Variants in RFTN1 observed in about 807,000 individuals in gnomAD.
RFTN1 encodes the protein raftlin, lipid raft linker 1.
RFTN1 carries 26 observed loss-of-function variants against 46.5 expected under a neutral mutation model. The observed-to-expected ratio is 0.56, with a 90% CI of 0.41 to 0.78. RFTN1 has a LOEUF of 0.78. Among genes scored for constraint, RFTN1 ranks in the 30% least tolerant of loss-of-function variants. RFTN1 has a pLI of 0.00. For missense variants in RFTN1, 693 were observed against 718.7 expected (o/e 0.96, Z 0.41); for synonymous variants, 261 against 284.2 (o/e 0.92, Z 0.82).
At chr3:16,359,032 C>CAAAA (rs771185605) in intron 6 of RFTN1, among the ~76,000 whole-genome samples, 2,444 of 88,258 alleles carry the variant, frequency 0.028, 37 homozygotes, top group African/African-American at 0.048. Context: ...ATTCTGTCTC[C>CAAAA]AAAAAAAAAA....
chr3:16,372,555 C>G (rs1012779651), intron 5 of RFTN1, among the ~76,000 whole-genome samples: 2 of 152,200 alleles, frequency 1.3e-5, no homozygotes, highest in African/African-American at 4.8e-5. Flanking sequence ...ATCACAGCCT[C>G]TGTGTGGGAG....
At chr3:16,490,262 C>T (rs1045330985) in intron 2 of RFTN1, among the ~76,000 whole-genome samples, 2 of 152,122 alleles carry the variant, frequency 1.3e-5, no homozygotes, top group Admixed American at 6.5e-5. Flanking sequence ...AAACTACAGG[C>T]GTGCACAAGA....
chr3:16,415,430 T>TATATATATATATATATACACACACAC, intron 3 of RFTN1, among the ~76,000 whole-genome samples: 1 of 114,348 alleles, frequency 8.7e-6, no homozygotes, highest in Non-Finnish European at 2.0e-5. Flanking sequence ...TATATATATA[T>TATATATATATATATATACACACACAC]ACACACACAC....
intron 7 of RFTN1, among the ~76,000 whole-genome samples, chr3:16,333,553 T>G (rs1430188687): frequency 6.6e-6 from 1 of 152,206 alleles, no homozygotes; most frequent in Non-Finnish European, 1.5e-5. Context: ...CCAATCCCCC[T>G]CATTTAATAA....
rs752111786 is a variant in RFTN1, at chr3:16,383,766, T to C, written c.442-5664A>G. Among the ~76,000 whole-genome samples, 9 of 151,994 alleles carry C rather than the reference T, an allele frequency of 5.9e-5. No individual in the cohort carries two copies. The highest frequency in any genetic ancestry group is 1.2e-4 in the Non-Finnish European group (8 of 68,000). On this transcript the variant is annotated intron_variant, in intron 4 of 9. Coordinates refer to ENST00000334133, the MANE Select transcript of RFTN1 (RefSeq NM_015150.2). This position sits in a 1 kb window ranked among gnomAD's most constrained non-coding sequence, Gnocchi z 4.0. ...ATAAAAATGAAGGCTATATGGAACATAGGAAAAGGAAGAGAAAAGCCTCCT... is the reference window on the plus strand; with the variant it reads ...ATAAAAATGAAGGCTATATGGAACACAGGAAAAGGAAGAGAAAAGCCTCCT...
At chr3:16,437,106 T>C (rs2075531104) in intron 2 of RFTN1, among the ~76,000 whole-genome samples, 1 of 152,214 alleles carries the variant, frequency 6.6e-6, no homozygotes, top group African/African-American at 2.4e-5. Flanking sequence ...CATGCTAAAG[T>C]TTTCTTCACA....
intron 3 of RFTN1, among the ~76,000 whole-genome samples, chr3:16,415,408 A>G (rs1319613343): frequency 1.2e-5 from 1 of 82,854 alleles, no homozygotes; most frequent in African/African-American, 4.1e-5. Flanking sequence ...TAGACAGTTG[A>G]GTATATATAT....
intron 7 of RFTN1, chr3:16,339,732 G>A (rs996047627): frequency 2.6e-5 from 4 of 152,170 alleles, no homozygotes; most frequent in Admixed American, 2.0e-4. Context: ...TTGGTGCTTC[G>A]TTTTTCTGCC....
intron 4 of RFTN1, among the ~76,000 whole-genome samples, chr3:16,388,527 T>C (rs1481652966): frequency 3.3e-5 from 5 of 152,184 alleles, no homozygotes; most frequent in Non-Finnish European, 5.9e-5. Context: ...GCTACTCCTA[T>C]CATCTTAACA....
intron 8 of RFTN1, 73 bp from the exon 9 acceptor site, chr3:16,323,530 A>C: frequency 9.2e-7 from 1 of 1,083,624 alleles, no homozygotes; most frequent in Non-Finnish European, 1.4e-6. Flanking sequence ...AGATGTTGCC[A>C]TCCCTAATTT....
chr3:16,471,445 C>T (rs2076193910), intron 2 of RFTN1, among the ~76,000 whole-genome samples: 2 of 152,128 alleles, frequency 1.3e-5, no homozygotes, highest in South Asian at 4.1e-4. Context: ...TATTAATGGT[C>T]CCTGCCTCTC....
chr3:16,353,049 AAG>A lies in RFTN1; in HGVS notation c.1146+4881_1146+4882del, dbSNP rs2072203847. ...CTGAGGGATCAGCACAGGAGGAGGAAAGAGGCAGGAAAGGGACAGACCAGTCC... is the reference window on the plus strand; with the variant it reads ...CTGAGGGATCAGCACAGGAGGAGGAAAGGCAGGAAAGGGACAGACCAGTCC... On this transcript the variant is annotated intron_variant, in intron 7 of 9. Coordinates refer to ENST00000334133, the MANE Select transcript of RFTN1 (RefSeq NM_015150.2). The surrounding 1 kb of genome is among the most constrained non-coding windows in gnomAD (Gnocchi z 5.4). Among the ~76,000 whole-genome samples, 1 of 152,176 alleles carries A rather than the reference AAG, an allele frequency of 6.6e-6. No individual in the cohort carries two copies. Among genetic ancestry groups the A allele is most frequent in the African/African-American group, 2.4e-5 (1 of 41,448 alleles).
chr3:16,459,265 AG>A lies in RFTN1; in HGVS notation c.146-25229del, dbSNP rs1472092995. On this transcript the variant is annotated intron_variant, in intron 2 of 9. Transcript: ENST00000334133. The surrounding 1 kb of genome is among the most constrained non-coding windows in gnomAD (Gnocchi z 4.2). ...TTTTCTGAAGGAAATTAGTTTTAAC[AG>A]AACCAGAAAGGACTAAGTAATATCC... Among the ~76,000 whole-genome samples the A allele has an allele frequency of 6.6e-6, 1 of 152,220 alleles. No homozygotes were observed. The highest frequency in any genetic ancestry group is 1.9e-4 in the East Asian group (1 of 5,196).
intron 8 of RFTN1, among the ~76,000 whole-genome samples, chr3:16,325,445 C>A (rs2069596790): frequency 6.6e-6 from 1 of 152,166 alleles, no homozygotes; most frequent in African/African-American, 2.4e-5. Flanking sequence ...TGGCTCAGAA[C>A]CAGCTGGGCC....
chr3:16,374,964 C>T lies in RFTN1; in HGVS notation c.826+2754G>A, dbSNP rs377537959. Among the ~76,000 whole-genome samples the T allele has an allele frequency of 6.6e-5, 10 of 152,250 alleles. No homozygotes were observed. Among genetic ancestry groups the T allele is most frequent in the African/African-American group, 2.4e-4 (10 of 41,556 alleles). The stretch of plus-strand genomic sequence containing the variant: ...CCGCATGGAGAATCCACTGGAAAGT[C>T]CTGTCTGAGCAGGCATTGCCTAGAT... On this transcript the variant is annotated intron_variant, in intron 5 of 9. Transcript: ENST00000334133. The surrounding 1 kb of genome is among the most constrained non-coding windows in gnomAD (Gnocchi z 5.4).
chr3:16,330,538 T>G (rs922555671), intron 7 of RFTN1, among the ~76,000 whole-genome samples: 5 of 152,226 alleles, frequency 3.3e-5, no homozygotes, highest in Admixed American at 2.6e-4. Flanking sequence ...GCCAGCCTGC[T>G]TATCAAACAA....
intron 6 of RFTN1, among the ~76,000 whole-genome samples, chr3:16,368,005 A>G (rs1417101456): frequency 3.9e-5 from 6 of 152,086 alleles, no homozygotes; most frequent in African/African-American, 1.2e-4. Context: ...ACAACTAACC[A>G]TCAGTTTCCT....
intron 1 of RFTN1, among the ~76,000 whole-genome samples, chr3:16,502,608 A>T (rs1229559352): frequency 6.6e-6 from 1 of 152,198 alleles, no homozygotes; most frequent in Non-Finnish European, 1.5e-5. Context: ...TCGCTCTCCT[A>T]GATCTCTCGT....
chr3:16,325,747 A>G (rs1287021845), intron 8 of RFTN1, among the ~76,000 whole-genome samples: 1 of 152,192 alleles, frequency 6.6e-6, no homozygotes, highest in Non-Finnish European at 1.5e-5. Flanking sequence ...CTAATGTGGA[A>G]TCTGAGGATC....
Sources: allele counts gnomAD v4.1 joint callset (sites outside exome capture counted in the v4.1 genomes callset), GRCh38; gene constraint gnomAD v4.1.1; non-coding constraint Gnocchi (gnomAD v3.1); transcripts MANE v1.5; gene names NCBI Gene and HGNC (gene_info 2026-07-23, HGNC 2026-07-21).